SEMA5A: variants seen among roughly 807,000 people sequenced by gnomAD.
SEMA5A encodes semaphorin-5A.
A neutral mutation model predicts 135.5 loss-of-function variants in SEMA5A; 55 were observed. The observed-to-expected ratio is 0.41, with a 90% confidence interval of 0.33 to 0.51. The LOEUF (loss-of-function observed/expected upper bound fraction) is 0.51. Ranked by LOEUF, SEMA5A falls within the 20% of genes least tolerant of loss-of-function variation. The probability of loss-of-function intolerance (pLI) is 0.37; values close to 1 mark genes in which losing one functional copy is unlikely to be tolerated. For synonymous variants in SEMA5A, 580 were observed against 546.5 expected, an observed-to-expected ratio of 1.06 and a Z score of -0.85; for missense variants, 1,290 against 1,419.9, an observed-to-expected ratio of 0.91 and a Z score of 1.47.
chr5:9,296,923 A>T (rs1453004699), intron 5 of SEMA5A, among the ~76,000 whole-genome samples: 2 of 148,456 alleles, frequency 1.3e-5, no homozygotes, highest in African/African-American at 2.5e-5. Context: ...AAAAAAAAAG[A>T]TATAAAAACA....
chr5:9,137,133 T>C (rs531003413), intron 12 of SEMA5A, among the ~76,000 whole-genome samples: 1 of 152,170 alleles, frequency 6.6e-6, no homozygotes, highest in Non-Finnish European at 1.5e-5. Flanking sequence ...TTACCACCAC[T>C]TTATTGATGA....
At chr5:9,100,002 T>TC (rs1412298999) in intron 16 of SEMA5A, among the ~76,000 whole-genome samples, 1 of 152,220 alleles carries the variant, frequency 6.6e-6, no homozygotes, top group African/African-American at 2.4e-5. Context: ...GACTTTTCTT[T>TC]CATGTGTCCC....
intron 3 of SEMA5A, among the ~76,000 whole-genome samples, chr5:9,378,355 A>G (rs1243446708): frequency 6.6e-6 from 1 of 152,222 alleles, no homozygotes; most frequent in Non-Finnish European, 1.5e-5. Context: ...AAAATAATAA[A>G]ATGAGAAAAT....
chr5:9,276,415 C>T (rs1750263784), intron 5 of SEMA5A, among the ~76,000 whole-genome samples: 1 of 152,184 alleles, frequency 6.6e-6, no homozygotes, highest in Admixed American at 6.5e-5. Flanking sequence ...AAGCTATTCC[C>T]ATCAAGCTAC....
chr5:9,418,080 C>T (rs923065319), intron 2 of SEMA5A, among the ~76,000 whole-genome samples: 50 of 151,816 alleles, frequency 3.3e-4, no homozygotes, highest in Admixed American at 8.5e-4. Flanking sequence ...GGGTTCACGC[C>T]ATTCTCCTGC....
intron 18 of SEMA5A, among the ~76,000 whole-genome samples, chr5:9,058,259 T>G (rs1399777924): frequency 6.6e-6 from 1 of 152,170 alleles, no homozygotes; most frequent in Non-Finnish European, 1.5e-5. Flanking sequence ...ATGAAAGACT[T>G]GAGGCATAGA....
intron 5 of SEMA5A, among the ~76,000 whole-genome samples, chr5:9,249,067 C>T (rs1748634861): frequency 6.6e-6 from 1 of 152,194 alleles, no homozygotes; most frequent in African/African-American, 2.4e-5. Context: ...TCTGTGTGTC[C>T]ATCTACCAAA....
chr5:9,413,375 C>T (rs895451204), intron 2 of SEMA5A, among the ~76,000 whole-genome samples: 1 of 152,176 alleles, frequency 6.6e-6, no homozygotes, highest in Non-Finnish European at 1.5e-5. Context: ...GATTCTGAGC[C>T]TTTGGAAAGA....
chr5:9,412,681 C>T (rs1757146508), intron 2 of SEMA5A, among the ~76,000 whole-genome samples: 1 of 148,714 alleles, frequency 6.7e-6, no homozygotes, highest in Non-Finnish European at 1.5e-5. Flanking sequence ...CTTGAAATCT[C>T]TTTATGTTTA....
intron 5 of SEMA5A, among the ~76,000 whole-genome samples, chr5:9,294,723 A>T (rs576216435): frequency 6.6e-6 from 1 of 152,314 alleles, no homozygotes; most frequent in Admixed American, 6.5e-5. Context: ...CTTTACACTG[A>T]GAGGTCTCAA....
chr5:9,110,318 C>T (rs1263566833), intron 15 of SEMA5A, among the ~76,000 whole-genome samples: 2 of 152,134 alleles, frequency 1.3e-5, no homozygotes, highest in East Asian at 3.9e-4. Flanking sequence ...TTCTCTGGAG[C>T]CCCTGAGATT....
In SEMA5A at chr5:9,197,726, G is replaced by GTT. The variant is rs1306073115; in HGVS notation, c.933-425_933-424dup. Among the ~76,000 whole-genome samples, 104 of 75,760 alleles carry GTT rather than the reference G, an allele frequency of 1.4e-3. 2 individuals carry two copies. In the East Asian group the frequency reaches 0.015, roughly 11 times the overall value. 49.7% of individuals were successfully genotyped at this position (75,760 alleles called of 152,430 possible). A position where few individuals can be genotyped will look rare whatever the true frequency, so the allele number is the denominator to read the frequency against. On this transcript the variant is annotated intron_variant, in intron 9 of 22. Transcript: ENST00000382496. Reference sequence around the variant, plus strand: ...ACTTTGCCCAGCAGCAGGGAAAGCTGTTTGTGTGTGTGTGTGTGTGTGTGT... The same window carrying GTT: ...ACTTTGCCCAGCAGCAGGGAAAGCTGTTTTTGTGTGTGTGTGTGTGTGTGTGT...
chr5:9,361,709 G>A (rs181924317), intron 3 of SEMA5A, among the ~76,000 whole-genome samples: 77 of 152,276 alleles, frequency 5.1e-4, no homozygotes, highest in African/African-American at 1.7e-3. Context: ...AAAAGTAATT[G>A]CTCTTTACCT....
intron 21 of SEMA5A, among the ~76,000 whole-genome samples, chr5:9,049,350 T>C (rs562278110): frequency 6.6e-5 from 10 of 152,234 alleles, no homozygotes; most frequent in African/African-American, 2.4e-4. Context: ...TTGGTACAGA[T>C]GGCATTTCGT....
chr5:9,436,141 C>T (rs936774918), intron 2 of SEMA5A, among the ~76,000 whole-genome samples: 2 of 152,162 alleles, frequency 1.3e-5, no homozygotes, highest in Admixed American at 1.3e-4. Flanking sequence ...GAATACGAAC[C>T]TGAAAGGGTT....
intron 1 of SEMA5A, among the ~76,000 whole-genome samples, chr5:9,478,692 T>C (rs1408926579): frequency 6.6e-6 from 1 of 152,232 alleles, no homozygotes; most frequent in African/African-American, 2.4e-5. Flanking sequence ...ATGCCTGTAC[T>C]CCCATTGTAT....
At chr5:9,129,688 A>G (rs1035174115) in intron 13 of SEMA5A, among the ~76,000 whole-genome samples, 2 of 152,194 alleles carry the variant, frequency 1.3e-5, no homozygotes, top group African/African-American at 2.4e-5. Flanking sequence ...GAAAGTTTCT[A>G]TTAGGGGTAT....
intron 11 of SEMA5A, among the ~76,000 whole-genome samples, chr5:9,158,576 G>A (rs955090932): frequency 6.6e-6 from 1 of 151,868 alleles, no homozygotes; most frequent in East Asian, 1.9e-4. Flanking sequence ...ACAATGTGAG[G>A]TGGAGCTGCA....
At chr5:9,399,925 T>C (rs60500303) in intron 2 of SEMA5A, among the ~76,000 whole-genome samples, 2,615 of 152,158 alleles carry the variant, frequency 0.017, 69 homozygotes, top group African/African-American at 0.059. Flanking sequence ...GATAAGATAC[T>C]GGTATACATA....
Sources: gnomAD v4.1 joint callset for allele counts (sites outside exome capture counted in the v4.1 genomes callset) on GRCh38, gnomAD v4.1.1 for gene constraint, MANE v1.5 for transcripts, NCBI Gene and HGNC (gene_info 2026-07-23, HGNC 2026-07-21) for gene names.